The following CHD7 variants were observed in gnomAD, a reference collection of about 807,000 sequenced individuals.
The protein encoded by CHD7 is ATP-dependent chromatin remodeler CHD7.
A neutral mutation model predicts 307.3 loss-of-function variants in CHD7; 24 were observed. The ratio of observed to expected loss-of-function variants is 0.08; its 90% confidence interval spans 0.06 to 0.11. The LOEUF (loss-of-function observed/expected upper bound fraction) is 0.11, where lower values mean the gene tolerates loss of function less well. Among genes scored for constraint, CHD7 ranks in the 10% least tolerant of loss-of-function variants. CHD7 has a pLI of 1.00. For synonymous variants in CHD7, 1,363 were observed against 1,349.9 expected (o/e 1.01, Z -0.21); for missense variants, 3,106 against 3,727.1 (o/e 0.83, Z 4.34).
intron 1 of CHD7, among the ~76,000 whole-genome samples, chr8:60,714,001 A>G (rs866507069): frequency 5.9e-5 from 9 of 152,212 alleles, no homozygotes; most frequent in South Asian, 2.1e-4. Context: ...AAAGGCAGTT[A>G]AGAAAAAAGG....
intron 1 of CHD7, 77 bp downstream of exon 1, chr8:60,679,159 G>C (rs1398278408): frequency 6.4e-6 from 1 of 155,692 alleles, no homozygotes; most frequent in African/African-American, 2.4e-5. Context: ...TCCGGGCCGG[G>C]GCCGGGGCCG....
chr8:60,680,155 C>T (rs1805527692), intron 1 of CHD7, among the ~76,000 whole-genome samples: 1 of 151,804 alleles, frequency 6.6e-6, no homozygotes, highest in South Asian at 2.1e-4. Context: ...ACCAGGTGGC[C>T]CCCGAGGTGA....
intron 1 of CHD7, among the ~76,000 whole-genome samples, chr8:60,696,521 T>C (rs1363585086): frequency 6.6e-6 from 1 of 152,210 alleles, no homozygotes; most frequent in Non-Finnish European, 1.5e-5. Context: ...GTTCACAGGC[T>C]TATGTGGATT....
rs1220156630 is a variant in CHD7 at position 60,852,490 on chromosome 8, T to G, written c.5895-8T>G. The G allele has an allele frequency of 2.5e-6, 4 of 1,610,506 alleles. No homozygotes were observed. The highest frequency in any genetic ancestry group is 1.3e-5 in the African/African-American group (1 of 74,934). On this transcript the variant is annotated splice_polypyrimidine_tract_variant and splice_region_variant and intron_variant, in intron 29 of 37. Transcript: ENST00000423902. ...GTATGATGCAAGCTAATATAATCTT[T>G]CTAACAGGTGGACAAGAAGAGAAGA...
chr8:60,714,062 G>C (rs1403172049), intron 1 of CHD7, among the ~76,000 whole-genome samples: 1 of 152,054 alleles, frequency 6.6e-6, no homozygotes, highest in African/African-American at 2.4e-5. Flanking sequence ...CTGCTTAGGG[G>C]GAGCGCTGGG....
At chr8:60,793,123 A>G (rs973347365) in intron 3 of CHD7, among the ~76,000 whole-genome samples, 7 of 152,114 alleles carry the variant, frequency 4.6e-5, no homozygotes, top group Non-Finnish European at 1.0e-4. Context: ...CAGCTGTAGT[A>G]TTGTATAATT....
intron 34 of CHD7, among the ~76,000 whole-genome samples, chr8:60,859,987 T>G (rs1365496846): frequency 6.6e-6 from 1 of 152,072 alleles, no homozygotes; most frequent in Non-Finnish European, 1.5e-5. Context: ...AGGGAGACCA[T>G]TTAGGAATAT....
chr8:60,752,375 A>C (rs886072678), intron 2 of CHD7, among the ~76,000 whole-genome samples: 1 of 152,134 alleles, frequency 6.6e-6, no homozygotes, highest in Non-Finnish European at 1.5e-5. Context: ...TGTCTAATCT[A>C]TTCATAGACT....
rs1254046620 is a variant in CHD7, at chr8:60,867,257, C to T, written c.*1324C>T. The T allele has an allele frequency of 6.6e-6, 1 of 152,158 alleles. No individual in the cohort carries two copies. Among genetic ancestry groups the T allele is most frequent in the Non-Finnish European group, 1.5e-5 (1 of 68,022 alleles). 9.4% of individuals were successfully genotyped at this position (152,158 alleles called of 1,614,324 possible). On this transcript the variant is annotated 3_prime_UTR_variant, in exon 38 of 38. Coordinates refer to ENST00000423902, the MANE Select transcript of CHD7 (RefSeq NM_017780.4). ...AAAAGAAAAATGAGGCTTTAACAGGCACAATATCTAGGTCATTTATCCTTG... is the reference window on the plus strand; with the variant it reads ...AAAAGAAAAATGAGGCTTTAACAGGTACAATATCTAGGTCATTTATCCTTG...
chr8:60,810,701 AG>A (rs1184533246), intron 7 of CHD7, among the ~76,000 whole-genome samples: 1 of 152,172 alleles, frequency 6.6e-6, no homozygotes, highest in Non-Finnish European at 1.5e-5. Flanking sequence ...ATATTTGGTT[AG>A]CTTTTTGTCT....
At chr8:60,849,312 C>T (rs1235661873) in intron 25 of CHD7, among the ~76,000 whole-genome samples, 158 bp downstream of exon 25, 1 of 152,276 alleles carries the variant, frequency 6.6e-6, no homozygotes, top group East Asian at 1.9e-4. Flanking sequence ...CTAATATGAA[C>T]TGTAAATATC....
At chr8:60,727,837 C>T (rs532925796) in intron 1 of CHD7, among the ~76,000 whole-genome samples, 3 of 152,204 alleles carry the variant, frequency 2.0e-5, no homozygotes, top group Non-Finnish European at 4.4e-5. Flanking sequence ...CTACACCTCT[C>T]TTCCATACCA....
At chr8:60,843,845 G>A (rs1805078853) in intron 21 of CHD7, among the ~76,000 whole-genome samples, 1 of 152,240 alleles carries the variant, frequency 6.6e-6, no homozygotes, top group Admixed American at 6.5e-5. Context: ...GGCAGATAGA[G>A]CAGTGTGTTC....
At chr8:60,753,738 C>T (rs1172815959) in intron 2 of CHD7, among the ~76,000 whole-genome samples, 1 of 151,696 alleles carries the variant, frequency 6.6e-6, no homozygotes, top group Non-Finnish European at 1.5e-5. Context: ...GATCCTCCCA[C>T]CTCATCCTCC....
At chr8:60,856,975 C>T in intron 34 of CHD7, 87 bp downstream of exon 34, 1 of 1,237,064 alleles carries the variant, frequency 8.1e-7, no homozygotes, top group Non-Finnish European at 1.1e-6. Flanking sequence ...CTGTGTTTCT[C>T]TCAGCAGCAT....
intron 2 of CHD7, among the ~76,000 whole-genome samples, chr8:60,748,938 A>G (rs972981394): frequency 1.3e-5 from 2 of 151,986 alleles, no homozygotes; most frequent in South Asian, 4.2e-4. Context: ...TTCCCTTGAG[A>G]TTAAAAAAAA....
At chr8:60,730,381 C>T (rs975906692) in intron 1 of CHD7, among the ~76,000 whole-genome samples, 1 of 152,132 alleles carries the variant, frequency 6.6e-6, no homozygotes, top group African/African-American at 2.4e-5. Flanking sequence ...TTTAATTTGG[C>T]TAAAAGATGG....
chr8:60,701,581 A>G (rs1393150013), intron 1 of CHD7, among the ~76,000 whole-genome samples: 1 of 152,140 alleles, frequency 6.6e-6, no homozygotes, highest in Non-Finnish European at 1.5e-5. Flanking sequence ...TCTTTCTTTT[A>G]TGTAACTGTC....
chr8:60,867,570 A>G lies in CHD7; in HGVS notation c.*1637A>G, dbSNP rs1482066490. ...CACAAAGCCATATTTCCATCCAGTTAAAAAGCAGGGGAAGGGATGTGGACG... is the reference window on the plus strand; with the variant it reads ...CACAAAGCCATATTTCCATCCAGTTGAAAAGCAGGGGAAGGGATGTGGACG... On this transcript the variant is annotated 3_prime_UTR_variant, in exon 38 of 38. Transcript: ENST00000423902. 3 of 152,326 alleles carry G rather than the reference A, an allele frequency of 2.0e-5. No homozygotes were observed. The highest frequency in any genetic ancestry group is 7.2e-5 in the African/African-American group (3 of 41,572). The allele number at this position is 152,326 out of a possible 1,614,324, so 9.4% of individuals were successfully genotyped here. A position where few individuals can be genotyped will look rare whatever the true frequency, so the allele number is the denominator to read the frequency against.
Sources: gnomAD v4.1 joint callset for allele counts (sites outside exome capture counted in the v4.1 genomes callset) on GRCh38, gnomAD v4.1.1 for gene constraint, MANE v1.5 for transcripts, NCBI Gene and HGNC (gene_info 2026-07-23, HGNC 2026-07-21) for gene names.